Variants in PON3 observed in about 807,000 individuals in gnomAD.
PON3 encodes the protein paraoxonase 3.
In PON3, 37 loss-of-function variants were observed where a neutral mutation model predicts 36.3. That is an observed-to-expected ratio of 1.02 (90% CI 0.78 to 1.34). The LOEUF (loss-of-function observed/expected upper bound fraction) is 1.34, where lower values mean the gene tolerates loss of function less well. Ranked by LOEUF, PON3 falls within the 40% of genes most tolerant of loss-of-function variation. The pLI is 0.00. For synonymous variants in PON3, 155 were observed against 154.8 expected (o/e 1.00, Z -0.01); for missense variants, 415 against 426.5 (o/e 0.97, Z 0.24).
intron 2 of PON3, among the ~76,000 whole-genome samples, chr7:95,394,286 G>C (rs1476738128): frequency 3.4e-5 from 3 of 87,676 alleles, no homozygotes; most frequent in Non-Finnish European, 6.6e-5. Flanking sequence ...GGAAAGGGAG[G>C]GAGGAAGGAA....
chr7:95,365,518 C>T lies in PON3; in HGVS notation c.495-1455G>A, dbSNP rs574544655. The T allele has an allele frequency of 2.0e-5, 3 of 152,370 alleles. No individual in the cohort carries two copies. The East Asian group carries it at 5.8e-4, about 29-fold the overall frequency. The allele number at this position is 152,370 out of a possible 1,614,324, so 9.4% of individuals were successfully genotyped here. A position where few individuals can be genotyped will look rare whatever the true frequency, so the allele number is the denominator to read the frequency against. The stretch of plus-strand genomic sequence containing the variant: ...TTGACCAGATTGTCCTGAGATGCAG[C>T]TTACGCTGATTACTGGAGGATAAGT... On this transcript the variant is annotated intron_variant, in intron 5 of 8. Transcript: ENST00000265627.
At chr7:95,370,362 G>A (rs536498025) in intron 4 of PON3, among the ~76,000 whole-genome samples, 110 of 152,250 alleles carry the variant, frequency 7.2e-4, no homozygotes, top group Middle Eastern at 3.4e-3. Flanking sequence ...TCAGACTGGA[G>A]AGATATTGGA....
chr7:95,394,058 C>A (rs905149595), intron 2 of PON3, among the ~76,000 whole-genome samples: 1 of 152,026 alleles, frequency 6.6e-6, no homozygotes. Flanking sequence ...CGCCAACATG[C>A]CCGGCTAATT....
Position 95,359,983 on chromosome 7 carries a change from C to T in PON3, c.1055G>A (p.Cys352Tyr), listed in dbSNP as rs937881582. The T allele has an allele frequency of 1.2e-6, 2 of 1,604,786 alleles. No individual in the cohort carries two copies. Among genetic ancestry groups the T allele is most frequent in the Admixed American group, 1.7e-5 (1 of 59,552 alleles). ...TTTACTATCTAGAGTCTAGAGCTCA[C>T]AGTACAGAGTTTTGTGAAATACGGT... ...IGTVFHKTLYCEL is the reference protein window; with the variant it reads ...IGTVFHKTLYYEL Residue 352 changes from cysteine (C) to tyrosine (Y), a missense_variant, in exon 9 of 9, where the codon TGT becomes TAT. By Grantham distance (194) the Cys-to-Tyr change is radical. Transcript: ENST00000265627.
At chr7:95,388,688 C>T (rs751896062) in intron 3 of PON3, among the ~76,000 whole-genome samples, 5 of 152,104 alleles carry the variant, frequency 3.3e-5, no homozygotes, top group Non-Finnish European at 7.4e-5. Flanking sequence ...TGGAACCAAC[C>T]CAAATGTCCA....
At chr7:95,370,206 G>T (rs1373644351) in intron 4 of PON3, among the ~76,000 whole-genome samples, 1 of 152,132 alleles carries the variant, frequency 6.6e-6, no homozygotes, top group Non-Finnish European at 1.5e-5. Context: ...AATCAGATTT[G>T]CATAAAAAGA....
chr7:95,374,922 C>T (rs941119746), intron 3 of PON3, among the ~76,000 whole-genome samples: 3 of 152,066 alleles, frequency 2.0e-5, no homozygotes, highest in African/African-American at 7.2e-5. Flanking sequence ...AGATCTTATA[C>T]ATAAAGATTC....
intron 3 of PON3, among the ~76,000 whole-genome samples, chr7:95,384,593 G>A (rs558806787): frequency 6.6e-6 from 1 of 152,230 alleles, no homozygotes; most frequent in South Asian, 2.1e-4. Context: ...ACAGACCCAT[G>A]AAAAAATGCT....
At chr7:95,372,881 T>G (rs1324508891) in intron 3 of PON3, among the ~76,000 whole-genome samples, 1 of 152,196 alleles carries the variant, frequency 6.6e-6, no homozygotes, top group Non-Finnish European at 1.5e-5. Context: ...GTTGACTATT[T>G]TTGACCTATT....
rs1291391327 is a variant in PON3 at position 95,362,478 on chromosome 7, C to T, written c.790G>A (p.Gly264Ser). 1.2e-6 allele frequency: 2 copies of T among 1,613,530 alleles called. No individual in the cohort carries two copies. The highest frequency in any genetic ancestry group is 3.3e-5 in the Admixed American group (2 of 59,952). ...ACAGTCAGGTTATCCACTAAGGTGC[C>T]CAACTGTATCACCTTACAACAAAGA... ...DLTQLKVIQLGTLVDNLTVDP... is the reference protein window; with the variant it reads ...DLTQLKVIQLSTLVDNLTVDP... Residue 264 changes from glycine (G) to serine (S), a missense_variant, in exon 8 of 9, where the codon GGC becomes AGC. Gly to Ser is a moderately conservative substitution (Grantham distance 56). Transcript: ENST00000265627.
intron 3 of PON3, among the ~76,000 whole-genome samples, chr7:95,385,666 G>T (rs1296976112): frequency 1.3e-5 from 2 of 152,074 alleles, no homozygotes; most frequent in Non-Finnish European, 2.9e-5. Context: ...CACATAATTG[G>T]AAGTAAAACA....
At chr7:95,385,575 G>A (rs902337258) in intron 3 of PON3, among the ~76,000 whole-genome samples, 1 of 152,046 alleles carries the variant, frequency 6.6e-6, no homozygotes, top group African/African-American at 2.4e-5. Context: ...AGACCTCATA[G>A]ACATACACAG....
chr7:95,378,038 A>C (rs1808959748), intron 3 of PON3, among the ~76,000 whole-genome samples: 1 of 152,216 alleles, frequency 6.6e-6, no homozygotes, highest in Non-Finnish European at 1.5e-5. Flanking sequence ...GATAACTAGA[A>C]TAAGCAGTGT....
chr7:95,373,072 C>T (rs769965663), intron 3 of PON3, among the ~76,000 whole-genome samples: 2 of 152,266 alleles, frequency 1.3e-5, no homozygotes, highest in South Asian at 4.1e-4. Flanking sequence ...CTGTGACAAA[C>T]CTTGGGGTTG....
At chr7:95,379,078 CA>C (rs34582490) in intron 3 of PON3, among the ~76,000 whole-genome samples, 57,641 of 146,156 alleles carry the variant, frequency 0.39, 11,637 homozygotes, top group Middle Eastern at 0.53. Flanking sequence ...AAATAAAAAG[CA>C]AAAAAAAAAA....
chr7:95,377,530 T>C (rs1478364176), intron 3 of PON3: 4 of 421,080 alleles, frequency 9.5e-6, no homozygotes, highest in Non-Finnish European at 1.9e-5. Flanking sequence ...GGCTGACAGA[T>C]ACCTCATACA....
rs1475052780 is a variant in PON3 at position 95,372,182 on chromosome 7, T to C, written c.358A>G (p.Ile120Val). ...AACATACAGGTTTTACCTTTGTCGA[T>C]GAAAATACTGATCCCATGTGGATTA... is the stretch of plus-strand genomic sequence containing the variant. ...LFNPHGISIF[I>V]DKDNTVYLYV... The change falls in exon 4 of 9, where the codon ATC becomes GTC. Residue 120 changes from isoleucine (I) to valine (V), a missense_variant. Coordinates refer to ENST00000265627, the MANE Select transcript of PON3 (RefSeq NM_000940.3). The C allele has an allele frequency of 1.9e-6, 3 of 1,613,588 alleles. No individual in the cohort carries two copies. In the South Asian group the frequency reaches 3.3e-5, roughly 18 times the overall value.
intron 3 of PON3, among the ~76,000 whole-genome samples, chr7:95,381,039 G>A (rs1336479531): frequency 3.3e-5 from 5 of 152,172 alleles, no homozygotes; most frequent in Non-Finnish European, 7.3e-5. Context: ...GAGGGTGGGG[G>A]CCAATATTCA....
chr7:95,361,323 G>C (rs577680636), intron 8 of PON3, among the ~76,000 whole-genome samples: 1 of 152,268 alleles, frequency 6.6e-6, no homozygotes, highest in African/African-American at 2.4e-5. Context: ...AGAAATAACT[G>C]TATGTCCTAA....
Sources: gnomAD v4.1 joint callset for allele counts (sites outside exome capture counted in the v4.1 genomes callset) on GRCh38, gnomAD v4.1.1 for gene constraint, MANE v1.5 for transcripts, NCBI Gene and HGNC (gene_info 2026-07-23, HGNC 2026-07-21) for gene names.